STMP1: variants seen among roughly 807,000 people sequenced by gnomAD.
The protein encoded by STMP1 is short transmembrane mitochondrial protein 1.
Under a neutral mutation model 7.0 loss-of-function variants are expected in STMP1, and 7 were observed. The observed-to-expected ratio is 1.01, with a 90% CI of 0.57 to 1.89. STMP1 has a LOEUF of 1.89. STMP1 is among the 40% of genes most tolerant of loss of function. The pLI, the probability that STMP1 is intolerant of heterozygous loss-of-function variation, is 0.00. For synonymous variants in STMP1, 19 were observed against 18.4 expected, an observed-to-expected ratio of 1.03 and a Z score of -0.08; for missense variants, 45 against 53.0, an observed-to-expected ratio of 0.85 and a Z score of 0.47.
At chr7:135,671,648 A>G (rs1022286514) in intron 1 of STMP1, among the ~76,000 whole-genome samples, 6 of 152,150 alleles carry the variant, frequency 3.9e-5, no homozygotes, top group African/African-American at 1.4e-4. Context: ...AAATGAGATA[A>G]ATATTTAAAG....
chr7:135,670,301 A>G (rs987126144), intron 1 of STMP1, among the ~76,000 whole-genome samples: 91 of 152,138 alleles, frequency 6.0e-4, no homozygotes, highest in African/African-American at 2.1e-3. Context: ...ACCATGTGAT[A>G]TGGGGGAAGC....
At position 135,675,769 on chromosome 7, in the gene STMP1, G is replaced by C. The variant is rs1170215395; in HGVS notation, c.*1604G>C. 6.6e-6 allele frequency: 1 copy of C among 152,126 alleles called. No homozygotes were observed. Among genetic ancestry groups the C allele is most frequent in the South Asian group, 2.1e-4 (1 of 4,828 alleles). 9.4% of individuals were successfully genotyped at this position (152,126 alleles called of 1,614,324 possible). On this transcript the variant is annotated 3_prime_UTR_variant, in exon 3 of 3. Transcript: ENST00000507606. ...TTCAGACAGTGATGACATTGATTCT[G>C]TATATGATAAAGTGATTCTGCTTCT...
At chr7:135,672,647 A>T in intron 1 of STMP1, 106 bp from the exon 2 acceptor site, 1 of 826,526 alleles carries the variant, frequency 1.2e-6, no homozygotes, top group East Asian at 2.7e-5. Flanking sequence ...AGGTCTTCTA[A>T]CTGTCCTAAG....
chr7:135,667,251 C>T (rs759816353), intron 1 of STMP1, among the ~76,000 whole-genome samples: 57 of 152,268 alleles, frequency 3.7e-4, no homozygotes, highest in Non-Finnish European at 6.0e-4. Context: ...CGCTTTGTCG[C>T]CCAGGCTGGA....
intron 2 of STMP1, among the ~76,000 whole-genome samples, chr7:135,673,620 T>C (rs1279195576): frequency 1.3e-5 from 2 of 152,148 alleles, no homozygotes; most frequent in Admixed American, 1.3e-4. Context: ...TCTGATATCT[T>C]TCACATGCAG....
intron 1 of STMP1, 125 bp from the exon 2 acceptor site, chr7:135,672,628 T>G (rs1210567778): frequency 1.4e-6 from 1 of 699,164 alleles, no homozygotes. Context: ...AGCCCTAGAC[T>G]GGACATCAAG....
At chr7:135,667,241 C>T (rs763074965) in intron 1 of STMP1, among the ~76,000 whole-genome samples, 2 of 152,190 alleles carry the variant, frequency 1.3e-5, no homozygotes, top group Non-Finnish European at 1.5e-5. Flanking sequence ...GACGGAGTCT[C>T]GCTTTGTCGC....
At chr7:135,669,171 C>T (rs1006348675) in intron 1 of STMP1, among the ~76,000 whole-genome samples, 3 of 151,652 alleles carry the variant, frequency 2.0e-5, no homozygotes, top group African/African-American at 7.3e-5. Context: ...TCAGTTACCT[C>T]CCACTTGGTC....
chr7:135,669,472 A>T (rs1795335821), intron 1 of STMP1, among the ~76,000 whole-genome samples: 1 of 152,174 alleles, frequency 6.6e-6, no homozygotes, highest in Admixed American at 6.5e-5. Flanking sequence ...CCTATTCATC[A>T]TATAAGTTCT....
intron 2 of STMP1, 70 bp from the exon 3 acceptor site, chr7:135,674,021 G>A (rs1210018416): frequency 3.2e-6 from 3 of 933,998 alleles, no homozygotes; most frequent in Non-Finnish European, 4.9e-6. Flanking sequence ...ATTTATCTTT[G>A]GAGGAAGAGA....
Position 135,662,538 on chromosome 7 carries a change from G to T in STMP1, c.-42G>T. On this transcript the variant is annotated 5_prime_UTR_variant, in exon 1 of 3. Coordinates refer to ENST00000507606, the MANE Select transcript of STMP1 (RefSeq NM_001130929.2). ...TAGGCTCGGACCGGCCCGCGGAGCT[G>T]CTGCAGTCCTTCGCGCCCTCCTCGC... 6.5e-7 allele frequency: 1 copy of T among 1,542,776 alleles called. No individual in the cohort carries two copies. The highest frequency in any genetic ancestry group is 8.7e-7 in the Non-Finnish European group (1 of 1,143,754).
At chr7:135,665,500 C>G (rs1795282539) in intron 1 of STMP1, 1 of 151,726 alleles carries the variant, frequency 6.6e-6, no homozygotes, top group Non-Finnish European at 1.5e-5. Flanking sequence ...ATTGCCCAGG[C>G]TGGTCTTGAA....
Position 135,674,247 on chromosome 7 carries a change from T to A in STMP1, c.*82T>A. On this transcript the variant is annotated 3_prime_UTR_variant, in exon 3 of 3. Transcript: ENST00000507606. ...GTTTACTATCTGAACCAAAAGCTTT[T>A]GTTTTCGTCTCCAGCCTCAGCACTT... 1 of 1,096,274 alleles carries A rather than the reference T, an allele frequency of 9.1e-7. No individual in the cohort carries two copies. The highest frequency in any genetic ancestry group is 1.3e-6 in the Non-Finnish European group (1 of 768,332). 67.9% of individuals were successfully genotyped at this position (1,096,274 alleles called of 1,614,324 possible). A position where few individuals can be genotyped will look rare whatever the true frequency, so the allele number is the denominator to read the frequency against.
intron 1 of STMP1, among the ~76,000 whole-genome samples, chr7:135,666,510 G>T: frequency 6.6e-6 from 1 of 151,790 alleles, no homozygotes; most frequent in East Asian, 2.0e-4. Flanking sequence ...CACCATCCCC[G>T]GCTAATTTTT....
chr7:135,674,172 C>T lies in STMP1; in HGVS notation c.*7C>T, dbSNP rs1563150528. 4.5e-6 allele frequency: 7 copies of T among 1,541,754 alleles called. No individual in the cohort carries two copies. The highest frequency in any genetic ancestry group is 6.1e-6 in the Non-Finnish European group (7 of 1,142,234). ...GAAACCCCCTAGTGCATGAGACTGCCTCCAGCACTGCCTTCAGGATATACT... is the reference window on the plus strand; with the variant it reads ...GAAACCCCCTAGTGCATGAGACTGCTTCCAGCACTGCCTTCAGGATATACT... On this transcript the variant is annotated 3_prime_UTR_variant, in exon 3 of 3. Transcript: ENST00000507606.
At chr7:135,666,247 C>T (rs545577381) in intron 1 of STMP1, among the ~76,000 whole-genome samples, 1 of 151,330 alleles carries the variant, frequency 6.6e-6, no homozygotes, top group East Asian at 2.0e-4. Flanking sequence ...TTCCCTTTAT[C>T]CTTTTTGCCT....
chr7:135,670,592 T>G (rs1795347197), intron 1 of STMP1, among the ~76,000 whole-genome samples: 1 of 152,226 alleles, frequency 6.6e-6, no homozygotes, highest in Non-Finnish European at 1.5e-5. Context: ...AGTGATATTT[T>G]TCTTGTGTAT....
chr7:135,674,254 G>A lies in STMP1; in HGVS notation c.*89G>A, dbSNP rs897607086. On this transcript the variant is annotated 3_prime_UTR_variant, in exon 3 of 3. Transcript: ENST00000507606. ...ATCTGAACCAAAAGCTTTTGTTTTC[G>A]TCTCCAGCCTCAGCACTTCTCTTCT... The A allele has an allele frequency of 2.8e-5, 29 of 1,033,854 alleles. No individual in the cohort carries two copies. The highest frequency in any genetic ancestry group is 1.3e-4 in the East Asian group (5 of 37,458). 64.0% of individuals were successfully genotyped at this position (1,033,854 alleles called of 1,614,324 possible). A position where few individuals can be genotyped will look rare whatever the true frequency, so the allele number is the denominator to read the frequency against.
chr7:135,667,067 G>T (rs1445621158), intron 1 of STMP1, among the ~76,000 whole-genome samples: 1 of 152,204 alleles, frequency 6.6e-6, no homozygotes, highest in East Asian at 1.9e-4. Context: ...AGTAATTCTA[G>T]TGGGTGTGAT....
Sources: gnomAD v4.1 joint callset for allele counts (sites outside exome capture counted in the v4.1 genomes callset) on GRCh38, gnomAD v4.1.1 for gene constraint, MANE v1.5 for transcripts, NCBI Gene and HGNC (gene_info 2026-07-23, HGNC 2026-07-21) for gene names.